The following UBE2E3 variants were observed in gnomAD, a reference collection of about 807,000 sequenced individuals.
UBE2E3 encodes the protein ubiquitin conjugating enzyme E2 E3.
In UBE2E3, 5 loss-of-function variants were observed where a neutral mutation model predicts 23.6. The observed-to-expected ratio is 0.21, with a 90% CI of 0.11 to 0.44. The LOEUF is 0.44. UBE2E3 is among the 20% of genes least tolerant of loss of function. The pLI, the probability that UBE2E3 is intolerant of heterozygous loss-of-function variation, is 0.99. For synonymous variants in UBE2E3, 78 were observed against 87.5 expected, an observed-to-expected ratio of 0.89 and a Z score of 0.60; for missense variants, 81 against 249.8, an observed-to-expected ratio of 0.32 and a Z score of 4.55.
chr2:181,007,228 A>G (rs1279874016), intron 3 of UBE2E3, among the ~76,000 whole-genome samples: 1 of 152,232 alleles, frequency 6.6e-6, no homozygotes, highest in Non-Finnish European at 1.5e-5. Flanking sequence ...GCTGAGAGAA[A>G]GAAGTGACCC....
intron 3 of UBE2E3, among the ~76,000 whole-genome samples, chr2:180,987,621 C>T (rs904290632): frequency 1.3e-5 from 2 of 152,034 alleles, no homozygotes; most frequent in African/African-American, 4.8e-5. Context: ...AACCTGAGAT[C>T]AGGTGATTTC....
rs1294641944 is a variant in UBE2E3, at chr2:181,037,529, A to G, written c.246-20164A>G. 2.0e-5 allele frequency among the ~76,000 whole-genome samples: 3 copies of G among 152,172 alleles called. No individual in the cohort carries two copies. The East Asian group carries it at 5.8e-4, about 29-fold the overall frequency. Reference sequence around the variant, plus strand: ...CTTAGTTTTTACAAAAAAAGTTTAAAAAATTAAATAAAATAACTTTTAAAA... The same window carrying G: ...CTTAGTTTTTACAAAAAAAGTTTAAGAAATTAAATAAAATAACTTTTAAAA... On this transcript the variant is annotated intron_variant, in intron 3 of 5. Coordinates refer to ENST00000410062, the MANE Select transcript of UBE2E3 (RefSeq NM_006357.4).
At chr2:181,057,647 C>T in intron 3 of UBE2E3, 46 bp from the exon 4 acceptor site, 1 of 1,462,902 alleles carries the variant, frequency 6.8e-7, no homozygotes, top group Non-Finnish European at 9.4e-7. Flanking sequence ...TATTAACATT[C>T]ATTGCTAATA....
At chr2:181,011,337 TAAG>T (rs1685322640) in intron 3 of UBE2E3, among the ~76,000 whole-genome samples, 1 of 151,862 alleles carries the variant, frequency 6.6e-6, no homozygotes, top group Non-Finnish European at 1.5e-5. Flanking sequence ...ACGGGGGTGA[TAAG>T]GAGGTAGGGA....
chr2:181,012,356 G>C (rs1271579949), intron 3 of UBE2E3, among the ~76,000 whole-genome samples: 1 of 151,744 alleles, frequency 6.6e-6, no homozygotes, highest in East Asian at 1.9e-4. Flanking sequence ...ATTTGAATCA[G>C]TGCTGTCTTA....
chr2:181,038,164 C>A (rs1686358757), intron 3 of UBE2E3, among the ~76,000 whole-genome samples: 2 of 152,152 alleles, frequency 1.3e-5, no homozygotes, highest in Non-Finnish European at 2.9e-5. Flanking sequence ...TGGTAAGTGC[C>A]CAATACAAGT....
At chr2:181,022,867 C>T (rs768038215) in intron 3 of UBE2E3, among the ~76,000 whole-genome samples, 10 of 152,112 alleles carry the variant, frequency 6.6e-5, no homozygotes, top group African/African-American at 2.4e-4. Flanking sequence ...ACTGCAAAAG[C>T]CCCTAGTATT....
chr2:180,988,154 C>G (rs964851478), intron 3 of UBE2E3, among the ~76,000 whole-genome samples: 2 of 152,048 alleles, frequency 1.3e-5, no homozygotes, highest in South Asian at 4.1e-4. Flanking sequence ...AGTTTTGTAG[C>G]AGTGTAAATC....
At chr2:181,054,182 A>G (rs1237695386) in intron 3 of UBE2E3, among the ~76,000 whole-genome samples, 1 of 151,844 alleles carries the variant, frequency 6.6e-6, no homozygotes, top group African/African-American at 2.4e-5. Flanking sequence ...TTGTGTGGAC[A>G]TAAGTTTTCA....
At chr2:181,049,240 T>A (rs1686757175) in intron 3 of UBE2E3, among the ~76,000 whole-genome samples, 1 of 152,064 alleles carries the variant, frequency 6.6e-6, no homozygotes, top group African/African-American at 2.4e-5. Flanking sequence ...ACAAGGGATT[T>A]AAGTGTGAAA....
chr2:181,049,810 G>A (rs1686772161), intron 3 of UBE2E3, among the ~76,000 whole-genome samples: 1 of 151,914 alleles, frequency 6.6e-6, no homozygotes, highest in African/African-American at 2.4e-5. Context: ...CTGAATTTAT[G>A]TGTATGTATA....
Position 180,981,951 on chromosome 2 carries a change from A to G in UBE2E3, c.-25-67A>G. On this transcript the variant is annotated intron_variant, in intron 1 of 5. Coordinates refer to ENST00000410062, the MANE Select transcript of UBE2E3 (RefSeq NM_006357.4). The stretch of plus-strand genomic sequence containing the variant: ...CAAGACGATTTTAGATGACTAGAAG[A>G]AAATGCTGTTGGTTTATTTCCTAGA... The G allele has an allele frequency of 2.5e-6, 3 of 1,209,898 alleles. No individual in the cohort carries two copies. The East Asian group carries it at 7.1e-5, about 28-fold the overall frequency. 74.9% of individuals were successfully genotyped at this position (1,209,898 alleles called of 1,614,324 possible). A position where few individuals can be genotyped will look rare whatever the true frequency, so the allele number is the denominator to read the frequency against.
chr2:181,048,483 C>A (rs1463365583), intron 3 of UBE2E3, among the ~76,000 whole-genome samples: 1 of 152,032 alleles, frequency 6.6e-6, no homozygotes, highest in Non-Finnish European at 1.5e-5. Flanking sequence ...AATACCATTT[C>A]CTGGTTGGTT....
chr2:181,045,866 A>G (rs1375134405), intron 3 of UBE2E3, among the ~76,000 whole-genome samples: 3 of 151,910 alleles, frequency 2.0e-5, no homozygotes, highest in African/African-American at 7.3e-5. Flanking sequence ...ATACCCTTGG[A>G]TATGTTGGGA....
chr2:180,986,521 G>A (rs1461046678), intron 3 of UBE2E3, among the ~76,000 whole-genome samples: 4 of 152,068 alleles, frequency 2.6e-5, no homozygotes, highest in African/African-American at 9.7e-5. Flanking sequence ...AGACTGTGGT[G>A]TTATGTTCTT....
intron 3 of UBE2E3, among the ~76,000 whole-genome samples, chr2:181,035,229 C>A (rs984229856): frequency 6.6e-6 from 1 of 152,132 alleles, no homozygotes; most frequent in Non-Finnish European, 1.5e-5. Context: ...GTAAAACCTA[C>A]ACCTATTATA....
At chr2:181,020,156 T>C (rs1685630773) in intron 3 of UBE2E3, among the ~76,000 whole-genome samples, 1 of 152,116 alleles carries the variant, frequency 6.6e-6, no homozygotes, top group Non-Finnish European at 1.5e-5. Context: ...TGAACATAAA[T>C]TTATTGTCTC....
chr2:181,030,177 G>C lies in UBE2E3; in HGVS notation c.246-27516G>C, dbSNP rs143053566. On this transcript the variant is annotated intron_variant, in intron 3 of 5. Transcript: ENST00000410062. ...TATTTTGGTTGTCTTTGGTGGTGGTGGTGGTGGCCTTATGTAAACTCTTCA... is the reference window on the plus strand; with the variant it reads ...TATTTTGGTTGTCTTTGGTGGTGGTCGTGGTGGCCTTATGTAAACTCTTCA... Among the ~76,000 whole-genome samples the C allele has an allele frequency of 2.3e-3, 350 of 151,906 alleles. 1 individual carries two copies. Among genetic ancestry groups the C allele is most frequent in the African/African-American group, 8.2e-3 (338 of 41,418 alleles).
In UBE2E3 at chr2:181,032,968, A is replaced by G. The variant is rs1228393991; in HGVS notation, c.246-24725A>G. 1.3e-5 allele frequency among the ~76,000 whole-genome samples: 2 copies of G among 152,224 alleles called. 1 individual carries two copies. The stretch of plus-strand genomic sequence containing the variant: ...AATAAAATACCTAGGAATCCAACTT[A>G]CAAGGGATATGAAGGACCTCTTCAA... On this transcript the variant is annotated intron_variant, in intron 3 of 5. Coordinates refer to ENST00000410062, the MANE Select transcript of UBE2E3 (RefSeq NM_006357.4).
Sources: allele counts gnomAD v4.1 joint callset (sites outside exome capture counted in the v4.1 genomes callset), GRCh38; gene constraint gnomAD v4.1.1; transcripts MANE v1.5; gene names NCBI Gene and HGNC (gene_info 2026-07-23, HGNC 2026-07-21).